The following APBA1 variants were observed in gnomAD, a reference collection of about 807,000 sequenced individuals.
The protein encoded by APBA1 is amyloid-beta A4 precursor protein-binding family A member 1.
In APBA1, 55 loss-of-function variants were observed where a neutral mutation model predicts 86.6. That is an observed-to-expected ratio of 0.64 (90% CI 0.51 to 0.80). The LOEUF (loss-of-function observed/expected upper bound fraction) is 0.80. Among genes scored for constraint, APBA1 ranks in the 30% least tolerant of loss-of-function variants. The pLI is 0.00. For synonymous variants in APBA1, 511 were observed against 493.9 expected (o/e 1.03, Z -0.46); for missense variants, 1,090 against 1,183.0 (o/e 0.92, Z 1.15).
chr9:69,460,376 T>C (rs1347825617), intron 5 of APBA1, among the ~76,000 whole-genome samples: 12 of 152,214 alleles, frequency 7.9e-5, no homozygotes, highest in Admixed American at 7.2e-4. Flanking sequence ...GCTGATGTTA[T>C]GCCATGCCAC....
chr9:69,599,027 A>G (rs1822294151), intron 1 of APBA1, among the ~76,000 whole-genome samples: 1 of 152,206 alleles, frequency 6.6e-6, no homozygotes, highest in African/African-American at 2.4e-5. Context: ...AGTCAAATTC[A>G]TAGAGCAAAA....
chr9:69,521,695 G>T (rs1836254843), intron 1 of APBA1, among the ~76,000 whole-genome samples: 1 of 152,210 alleles, frequency 6.6e-6, no homozygotes, highest in East Asian at 1.9e-4. Context: ...TTCAAAGAAT[G>T]AGATATTTGA....
At chr9:69,498,466 T>C (rs1218096880) in intron 2 of APBA1, among the ~76,000 whole-genome samples, 1 of 152,104 alleles carries the variant, frequency 6.6e-6, no homozygotes, top group Non-Finnish European at 1.5e-5. Flanking sequence ...TTTGGGGAAA[T>C]TTGTTACACA....
Position 69,658,296 on chromosome 9 carries a change from C to CTTTCTT in APBA1, c.-70+13856_-70+13857insAAGAAA, listed in dbSNP as rs1419845095. Among the ~76,000 whole-genome samples, 146 of 37,858 alleles carry CTTTCTT rather than the reference C, an allele frequency of 3.9e-3. 2 individuals are homozygous for CTTTCTT. Among genetic ancestry groups the CTTTCTT allele is most frequent in the Admixed American group, 6.6e-3 (24 of 3,624 alleles). The allele number at this position is 37,858 out of a possible 152,430, so 24.8% of individuals were successfully genotyped here. On this transcript the variant is annotated intron_variant, in intron 1 of 12. Transcript: ENST00000265381. ...TCTTTCTTTCTTTCTCTCTCTCTTT[C>CTTTCTT]TCTCTCTCTCTTTCTTTCTTTCTTT... is the stretch of plus-strand genomic sequence containing the variant.
chr9:69,489,889 A>T (rs1208454916), intron 2 of APBA1, among the ~76,000 whole-genome samples: 2 of 152,164 alleles, frequency 1.3e-5, no homozygotes, highest in African/African-American at 4.8e-5. Flanking sequence ...ACTATAAACT[A>T]GTTCAACCCT....
At chr9:69,491,139 T>A (rs1835703047) in intron 2 of APBA1, among the ~76,000 whole-genome samples, 1 of 152,082 alleles carries the variant, frequency 6.6e-6, no homozygotes, top group African/African-American at 2.4e-5. Context: ...CATGCTGCTA[T>A]AAAGACACAT....
intron 1 of APBA1, among the ~76,000 whole-genome samples, chr9:69,587,313 C>A (rs1342812984): frequency 1.3e-5 from 2 of 152,160 alleles, no homozygotes; most frequent in Non-Finnish European, 2.9e-5. Flanking sequence ...TCCACTGGGG[C>A]TTCCAGGAAA....
chr9:69,606,738 C>T (rs11139488), intron 1 of APBA1, among the ~76,000 whole-genome samples: 150 of 151,754 alleles, frequency 9.9e-4, no homozygotes, highest in Middle Eastern at 3.4e-3. Flanking sequence ...GTGATGCGCA[C>T]GCCTCGGCCT....
chr9:69,574,849 A>C (rs1381774088), intron 1 of APBA1, among the ~76,000 whole-genome samples: 1 of 152,186 alleles, frequency 6.6e-6, no homozygotes, highest in Non-Finnish European at 1.5e-5. Flanking sequence ...AGGGTAGAGC[A>C]GCACAGGGAG....
intron 2 of APBA1, among the ~76,000 whole-genome samples, chr9:69,512,800 T>C (rs894195492): frequency 1.3e-5 from 2 of 152,194 alleles, no homozygotes; most frequent in Non-Finnish European, 2.9e-5. Context: ...TCAGGTATTC[T>C]GGTTTGGAAA....
intron 1 of APBA1, among the ~76,000 whole-genome samples, chr9:69,599,655 C>G (rs1822307187): frequency 1.3e-5 from 2 of 152,086 alleles, no homozygotes; most frequent in African/African-American, 4.8e-5. Context: ...AAAGTGTGGC[C>G]CCTGGACCAG....
intron 1 of APBA1, among the ~76,000 whole-genome samples, chr9:69,633,363 G>C (rs538010121): frequency 8.6e-5 from 13 of 151,934 alleles, no homozygotes; most frequent in Non-Finnish European, 1.8e-4. Flanking sequence ...ACATACAGCC[G>C]TGCAAAACAT....
At chr9:69,649,162 A>G (rs903518642) in intron 1 of APBA1, among the ~76,000 whole-genome samples, 1 of 152,114 alleles carries the variant, frequency 6.6e-6, no homozygotes, top group African/African-American at 2.4e-5. Flanking sequence ...AAGCTCTATA[A>G]TAGCTTCTTA....
chr9:69,640,634 A>G (rs1823268348), intron 1 of APBA1, among the ~76,000 whole-genome samples: 2 of 152,106 alleles, frequency 1.3e-5, no homozygotes, highest in Admixed American at 6.5e-5. Context: ...TATTTCTCAG[A>G]AGACAGAAAC....
chr9:69,514,048 A>G (rs1836094124), intron 2 of APBA1, among the ~76,000 whole-genome samples: 1 of 152,212 alleles, frequency 6.6e-6, no homozygotes, highest in South Asian at 2.1e-4. Context: ...AGTCAGAGCA[A>G]AGGTTAGTCT....
chr9:69,544,512 T>C (rs1383927531), intron 1 of APBA1, among the ~76,000 whole-genome samples: 1 of 152,222 alleles, frequency 6.6e-6, no homozygotes, highest in East Asian at 1.9e-4. Flanking sequence ...ATAAAATTCA[T>C]GTGCAGAGCT....
At chr9:69,432,782 A>C (rs76499213) in intron 11 of APBA1, 106 bp from the exon 12 acceptor site, 37,872 of 1,167,130 alleles carry the variant, frequency 0.032, 647 homozygotes, top group Non-Finnish European at 0.036. Flanking sequence ...TCTTGGAGAA[A>C]CTGACATGGT....
intron 5 of APBA1, chr9:69,462,117 A>G (rs889572908): frequency 1.3e-5 from 2 of 152,246 alleles, no homozygotes; most frequent in Non-Finnish European, 2.9e-5. Context: ...CAAGATACCT[A>G]TACACCATTT....
At chr9:69,515,676 T>C (rs1335302667) in intron 2 of APBA1, among the ~76,000 whole-genome samples, 1 of 121,834 alleles carries the variant, frequency 8.2e-6, no homozygotes, top group East Asian at 2.7e-4. Flanking sequence ...CTCCATACTT[T>C]CTGAATCAGA....
Sources: gnomAD v4.1 joint callset for allele counts (sites outside exome capture counted in the v4.1 genomes callset) on GRCh38, gnomAD v4.1.1 for gene constraint, MANE v1.5 for transcripts, NCBI Gene and HGNC (gene_info 2026-07-23, HGNC 2026-07-21) for gene names.